GPR55: variants seen among roughly 807,000 people sequenced by gnomAD.
GPR55 encodes the protein G protein-coupled receptor 55, also known as G-protein coupled receptor 55.
Under a neutral mutation model 7.9 loss-of-function variants are expected in GPR55, and 6 were observed. The observed-to-expected ratio is 0.76, with a 90% CI of 0.41 to 1.49. The LOEUF is 1.49. Ranked by LOEUF, GPR55 falls within the 40% of genes most tolerant of loss-of-function variation. The pLI is 0.01. For missense variants in GPR55, 376 were observed against 406.0 expected (o/e 0.93, Z 0.63); for synonymous variants, 183 against 166.8 (o/e 1.10, Z -0.75).
intron 1 of GPR55, among the ~76,000 whole-genome samples, chr2:230,920,728 G>A (rs934056768): frequency 6.6e-6 from 1 of 152,106 alleles, no homozygotes; most frequent in Non-Finnish European, 1.5e-5. Context: ...TGAATATTTA[G>A]GTTAAATCAC....
At chr2:230,917,557 C>A (rs1690745033) in intron 1 of GPR55, among the ~76,000 whole-genome samples, 1 of 152,180 alleles carries the variant, frequency 6.6e-6, no homozygotes, top group Non-Finnish European at 1.5e-5. Context: ...CCTGTAATCC[C>A]AGCACTTTGG....
In GPR55 at chr2:230,910,411, C is replaced by A; in HGVS notation, c.552G>T (p.Pro184=). Residue 184 remains proline, a synonymous_variant, in exon 2 of 2, where the codon CCG becomes CCT. Transcript: ENST00000650999. This position sits in a 1 kb window ranked among gnomAD's most constrained non-coding sequence, Gnocchi z 5.4. ...GAAGGAGGAAGCCAAACACCTCCAGCGGGAAGAAGACCTTGGCGCTCCAGG... is the reference window on the plus strand; with the variant it reads ...GAAGGAGGAAGCCAAACACCTCCAGAGGGAAGAAGACCTTGGCGCTCCAGG... ...DDTWSAKVFF[P]LEVFGFLLPM... is the part of the protein sequence containing the mutation. 6.2e-7 allele frequency: 1 copy of A among 1,613,888 alleles called. No individual in the cohort carries two copies. Among genetic ancestry groups the A allele is most frequent in the Non-Finnish European group, 8.5e-7 (1 of 1,179,856 alleles).
At chr2:230,938,600 T>C (rs1387403631) in intron 1 of GPR55, among the ~76,000 whole-genome samples, 3 of 152,146 alleles carry the variant, frequency 2.0e-5, no homozygotes, top group Non-Finnish European at 4.4e-5. Flanking sequence ...AGAGAATAAA[T>C]GAAGATCCCA....
At chr2:230,939,111 T>C (rs1691179094) in intron 1 of GPR55, among the ~76,000 whole-genome samples, 1 of 152,134 alleles carries the variant, frequency 6.6e-6, no homozygotes, top group African/African-American at 2.4e-5. Context: ...CCTAGACTTC[T>C]CCTTTGTCCC....
At chr2:230,931,545 T>C (rs1394629244) in intron 1 of GPR55, among the ~76,000 whole-genome samples, 1 of 152,058 alleles carries the variant, frequency 6.6e-6, no homozygotes, top group Non-Finnish European at 1.5e-5. Flanking sequence ...GCACTCCCAC[T>C]TTACAGGGTG....
chr2:230,917,000 G>A (rs1690732354), intron 1 of GPR55, among the ~76,000 whole-genome samples: 1 of 152,200 alleles, frequency 6.6e-6, no homozygotes, highest in Non-Finnish European at 1.5e-5. Context: ...TAAAAGTTCT[G>A]TGGCGATAGA....
chr2:230,954,508 A>G (rs1033186775), intron 1 of GPR55, among the ~76,000 whole-genome samples: 2 of 152,192 alleles, frequency 1.3e-5, no homozygotes, highest in East Asian at 1.9e-4. Context: ...GTAGATGTAT[A>G]TATTTATGGG....
At chr2:230,937,394 G>C (rs1426145335) in intron 1 of GPR55, among the ~76,000 whole-genome samples, 1 of 74,308 alleles carries the variant, frequency 1.3e-5, no homozygotes, top group Non-Finnish European at 2.4e-5. Context: ...AAGAGAGTGA[G>C]GCATTGTCAC....
At position 230,923,814 on chromosome 2, in the gene GPR55, T is replaced by C. The variant is rs1003019729; in HGVS notation, c.-135+1354A>G. Among the ~76,000 whole-genome samples, 3 of 152,116 alleles carry C rather than the reference T, an allele frequency of 2.0e-5. No homozygotes were observed. Among genetic ancestry groups the C allele is most frequent in the African/African-American group, 7.2e-5 (3 of 41,384 alleles). On this transcript the variant is annotated intron_variant, in intron 1 of 1. Coordinates refer to ENST00000650999, the MANE Select transcript of GPR55 (RefSeq NM_005683.4). The surrounding 1 kb of genome is among the most constrained non-coding windows in gnomAD (Gnocchi z 4.1). ...GCCGTGAGGGACCAGCTGGAACTCA[T>C]GTTCTGAGTCTCTCCTCCTCGCTCA...
chr2:230,929,534 G>A (rs1690998416), upstream of GPR55: 1 of 152,228 alleles, frequency 6.6e-6, no homozygotes, highest in Non-Finnish European at 1.5e-5. Context: ...TACAGGAGAA[G>A]GTTGCAGATG....
At chr2:230,914,685 A>G (rs1221217746) in intron 1 of GPR55, among the ~76,000 whole-genome samples, 1 of 152,010 alleles carries the variant, frequency 6.6e-6, no homozygotes, top group Non-Finnish European at 1.5e-5. Flanking sequence ...AGCAACTAGC[A>G]CCATTTGCTA....
chr2:230,951,773 T>G (rs202225147), intron 1 of GPR55, among the ~76,000 whole-genome samples: 56,620 of 150,254 alleles, frequency 0.38, 11,688 homozygotes, highest in African/African-American at 0.53. Flanking sequence ...TTTTTTTTTT[T>G]TGTGAGACAG....
upstream of GPR55, among the ~76,000 whole-genome samples, chr2:230,925,548 G>A (rs1257210680): frequency 2.6e-5 from 4 of 152,172 alleles, no homozygotes. Context: ...GGAAGCCTCT[G>A]GAGGAGGAAG....
chr2:230,932,752 C>G (rs534996938), intron 1 of GPR55, among the ~76,000 whole-genome samples: 1 of 152,204 alleles, frequency 6.6e-6, no homozygotes, highest in Non-Finnish European at 1.5e-5. Flanking sequence ...CTTGCACCAC[C>G]TCCTCGCTTC....
chr2:230,942,902 C>T (rs1691255822), intron 1 of GPR55, among the ~76,000 whole-genome samples: 1 of 152,068 alleles, frequency 6.6e-6, no homozygotes, highest in Non-Finnish European at 1.5e-5. Context: ...CCAATTTTTC[C>T]TTCATCATTG....
rs1156604327 is a variant in GPR55 at position 230,910,700 on chromosome 2, G to C, written c.263C>G (p.Ser88Cys). Reference sequence around the variant, plus strand: ...CAGGGTGCACAGGGACGGGAAGGGGGACTGTACCTGGGACAGGACCATCTT... The same window carrying C: ...CAGGGTGCACAGGGACGGGAAGGGGCACTGTACCTGGGACAGGACCATCTT... ...PFKMVLSQVQ[S>C]PFPSLCTLVE... Residue 88 changes from serine (S) to cysteine (C), a missense_variant, in exon 2 of 2, where the codon TCC becomes TGC. Ser to Cys is a moderately radical substitution (Grantham distance 112, BLOSUM62 -1). Transcript: ENST00000650999. This position sits in a 1 kb window ranked among gnomAD's most constrained non-coding sequence, Gnocchi z 5.4. 5.0e-6 allele frequency: 8 copies of C among 1,613,274 alleles called. No homozygotes were observed. The highest frequency in any genetic ancestry group is 6.8e-6 in the Non-Finnish European group (8 of 1,179,258).
chr2:230,921,920 T>C (rs1690847154), intron 1 of GPR55, among the ~76,000 whole-genome samples: 1 of 152,196 alleles, frequency 6.6e-6, no homozygotes, highest in South Asian at 2.1e-4. Flanking sequence ...TCGTGACGTG[T>C]TCCACCATAA....
intron 1 of GPR55, among the ~76,000 whole-genome samples, chr2:230,921,043 C>A (rs1690822382): frequency 6.6e-6 from 1 of 151,816 alleles, no homozygotes; most frequent in South Asian, 2.1e-4. Flanking sequence ...GGGAATAGGA[C>A]AAAGTAATTT....
At chr2:230,946,635 T>C (rs1691322914) in intron 1 of GPR55, among the ~76,000 whole-genome samples, 1 of 152,156 alleles carries the variant, frequency 6.6e-6, no homozygotes, top group South Asian at 2.1e-4. Context: ...ATCAATGAAC[T>C]AGAGATCAGT....
Sources: allele counts gnomAD v4.1 joint callset (sites outside exome capture counted in the v4.1 genomes callset), GRCh38; gene constraint gnomAD v4.1.1; non-coding constraint Gnocchi (gnomAD v3.1); transcripts MANE v1.5; gene names NCBI Gene and HGNC (gene_info 2026-07-23, HGNC 2026-07-21).